Variants in SENP1 observed in about 807,000 individuals in gnomAD.
SENP1 encodes the protein SUMO specific peptidase 1, also known as sentrin-specific protease 1.
SENP1 carries 21 observed loss-of-function variants against 93.0 expected under a neutral mutation model. The observed-to-expected ratio is 0.23, with a 90% confidence interval of 0.16 to 0.33. The LOEUF (loss-of-function observed/expected upper bound fraction) is 0.33. Among genes scored for constraint, SENP1 ranks in the 10% least tolerant of loss-of-function variants. The pLI, the probability that SENP1 is intolerant of heterozygous loss-of-function variation, is 1.00. For missense variants in SENP1, 591 were observed against 758.7 expected (o/e 0.78, Z 2.60); for synonymous variants, 256 against 259.6 (o/e 0.99, Z 0.13).
intron 17 of SENP1, among the ~76,000 whole-genome samples, chr12:48,045,920 T>C (rs1941328036): frequency 6.6e-6 from 1 of 152,182 alleles, no homozygotes; most frequent in Non-Finnish European, 1.5e-5. Context: ...AATCACTCTC[T>C]AAGAGAAGAC....
chr12:48,104,192 CA>C (rs1946190747), intron 1 of SENP1, among the ~76,000 whole-genome samples: 1 of 137,964 alleles, frequency 7.2e-6, no homozygotes, highest in African/African-American at 2.8e-5. Flanking sequence ...GCCTGGGTGA[CA>C]GAGCGAGACT....
intron 4 of SENP1, among the ~76,000 whole-genome samples, chr12:48,095,775 A>C (rs1011134502): frequency 1.3e-5 from 2 of 152,188 alleles, no homozygotes; most frequent in African/African-American, 2.4e-5. Context: ...ATGATAGATA[A>C]GTCAGGCAGG....
intron 1 of SENP1, chr12:48,105,022 A>T (rs1454982683): frequency 5.7e-6 from 1 of 174,458 alleles, no homozygotes; most frequent in Non-Finnish European, 1.3e-5. Flanking sequence ...GGTAATCTGT[A>T]TTTCAACATG....
chr12:48,104,264 G>T (rs1237976639), intron 1 of SENP1, among the ~76,000 whole-genome samples: 1 of 55,932 alleles, frequency 1.8e-5, no homozygotes, highest in East Asian at 7.6e-4. Context: ...GACGGGGGGG[G>T]GGGGGGGGGC....
At chr12:48,057,229 A>G (rs1942605277) in intron 13 of SENP1, among the ~76,000 whole-genome samples, 2 of 142,966 alleles carry the variant, frequency 1.4e-5, no homozygotes, top group Non-Finnish European at 3.0e-5. Flanking sequence ...TAAAAAATAC[A>G]TTATATATAT....
intron 9 of SENP1, among the ~76,000 whole-genome samples, chr12:48,070,266 A>G (rs563778715): frequency 6.6e-6 from 1 of 152,180 alleles, no homozygotes; most frequent in Non-Finnish European, 1.5e-5. Context: ...AAAGAGTCCC[A>G]TATTTCCATA....
Position 48,045,238 on chromosome 12 carries a change from G to A in SENP1, c.*84C>T, listed in dbSNP as rs1941271574. 2.6e-6 allele frequency: 3 copies of A among 1,135,570 alleles called. No individual in the cohort carries two copies. The South Asian group carries it at 3.8e-5, about 15-fold the overall frequency. 70.3% of individuals were successfully genotyped at this position (1,135,570 alleles called of 1,614,324 possible). A position where few individuals can be genotyped will look rare whatever the true frequency, so the allele number is the denominator to read the frequency against. ...GGGTGTTACAACAGCAGAGGGCTGG[G>A]AGCAGCTGTTTCCAAGGTCTCTGGC... On this transcript the variant is annotated 3_prime_UTR_variant, in exon 18 of 18. Coordinates refer to ENST00000549518, the MANE Select transcript of SENP1 (RefSeq NM_001267594.2).
intron 13 of SENP1, among the ~76,000 whole-genome samples, chr12:48,059,574 G>C (rs143398318): frequency 9.0e-4 from 137 of 152,142 alleles, no homozygotes; most frequent in Admixed American, 7.1e-3. Context: ...TCATTTCTGA[G>C]TGTTTCTTTT....
intron 13 of SENP1, among the ~76,000 whole-genome samples, chr12:48,059,318 T>C (rs1036686261): frequency 2.6e-5 from 4 of 152,196 alleles, no homozygotes; most frequent in Non-Finnish European, 4.4e-5. Flanking sequence ...TGTCTCATAT[T>C]CAAGTTTCTA....
chr12:48,082,301 G>C (rs1023251518), intron 6 of SENP1, among the ~76,000 whole-genome samples: 6 of 152,186 alleles, frequency 3.9e-5, no homozygotes, highest in African/African-American at 1.2e-4. Context: ...TAATTATTTA[G>C]CAGGTAATGC....
chr12:48,099,825 C>G (rs1565812885), intron 2 of SENP1, among the ~76,000 whole-genome samples: 1 of 152,174 alleles, frequency 6.6e-6, no homozygotes, highest in Admixed American at 6.6e-5. Context: ...TAATAATAAT[C>G]TGCCTGAACA....
chr12:48,064,770 G>A lies in SENP1; in HGVS notation c.1275+295C>T, dbSNP rs532118592. ...CGGCTCACTGCAACCTCTGCCTCCC[G>A]GGTTCAAGCAATTCTCCTGCCTCAG... is the stretch of plus-strand genomic sequence containing the variant. On this transcript the variant is annotated intron_variant, in intron 12 of 17. Transcript: ENST00000549518. Among the ~76,000 whole-genome samples the A allele has an allele frequency of 3.9e-4, 60 of 152,130 alleles. 1 individual carries two copies. Among genetic ancestry groups the A allele is most frequent in the Admixed American group, 1.4e-3 (22 of 15,270 alleles).
intron 12 of SENP1, among the ~76,000 whole-genome samples, chr12:48,064,301 A>G (rs914064908): frequency 6.6e-6 from 1 of 152,204 alleles, no homozygotes; most frequent in Non-Finnish European, 1.5e-5. Context: ...CAGTACAACT[A>G]TAATAAGTGT....
intron 9 of SENP1, among the ~76,000 whole-genome samples, chr12:48,068,598 A>T (rs1943451864): frequency 6.6e-6 from 1 of 152,202 alleles, no homozygotes; most frequent in Non-Finnish European, 1.5e-5. Context: ...AGATGAAAGC[A>T]TTAAAAAAAA....
At chr12:48,088,140 C>T (rs1429292355) in intron 5 of SENP1, among the ~76,000 whole-genome samples, 1 of 152,004 alleles carries the variant, frequency 6.6e-6, no homozygotes, top group Admixed American at 6.6e-5. Context: ...GCAACCTCTG[C>T]CTCCCAGGTT....
rs1943113101 is a variant in SENP1 at position 48,063,758 on chromosome 12, T to C, written c.1359A>G (p.Thr453=). 1.2e-6 allele frequency: 2 copies of C among 1,613,434 alleles called. No homozygotes were observed. The highest frequency in any genetic ancestry group is 1.7e-6 in the Non-Finnish European group (2 of 1,179,558). ...VLSEAFRLTI[T]RKDIQTLNHL... The stretch of plus-strand genomic sequence containing the variant: ...GGTTTAGAGTTTGAATATCTTTGCG[T>C]GTAATGGTCAGGCGAAATGCTTCAC... The change falls in exon 13 of 18, where the codon ACA becomes ACG. Residue 453 remains threonine (T), a synonymous_variant. Coordinates refer to ENST00000549518, the MANE Select transcript of SENP1 (RefSeq NM_001267594.2).
intron 13 of SENP1, among the ~76,000 whole-genome samples, chr12:48,051,255 C>G (rs1397831716): frequency 6.6e-6 from 1 of 152,144 alleles, no homozygotes; most frequent in Non-Finnish European, 1.5e-5. Context: ...ACCAACACAG[C>G]TGAACAAGAA....
intron 9 of SENP1, among the ~76,000 whole-genome samples, chr12:48,068,633 C>T (rs1943454898): frequency 1.3e-5 from 2 of 152,014 alleles, no homozygotes; most frequent in South Asian, 4.1e-4. Flanking sequence ...AGTACTTGGG[C>T]TACTCAAGAG....
chr12:48,061,153 T>C (rs1942932883), intron 13 of SENP1, among the ~76,000 whole-genome samples: 1 of 152,200 alleles, frequency 6.6e-6, no homozygotes, highest in Non-Finnish European at 1.5e-5. Flanking sequence ...ATCTGATTCC[T>C]TTTACTTCCT....
Sources: allele counts gnomAD v4.1 joint callset (sites outside exome capture counted in the v4.1 genomes callset), GRCh38; gene constraint gnomAD v4.1.1; transcripts MANE v1.5; gene names NCBI Gene and HGNC (gene_info 2026-07-23, HGNC 2026-07-21).